The following LCORL variants were observed in gnomAD, a reference collection of about 807,000 sequenced individuals.
LCORL encodes the protein ligand dependent nuclear receptor corepressor like, also known as ligand-dependent nuclear receptor corepressor-like protein.
A neutral mutation model predicts 141.8 loss-of-function variants in LCORL; 41 were observed. The observed-to-expected ratio is 0.29, with a 90% CI of 0.23 to 0.38. The LOEUF is 0.38. Among genes scored for constraint, LCORL ranks in the 10% least tolerant of loss-of-function variants. The probability of loss-of-function intolerance (pLI) is 1.00; values close to 1 mark genes in which losing one functional copy is unlikely to be tolerated. For synonymous variants in LCORL, 618 were observed against 694.1 expected, an observed-to-expected ratio of 0.89 and a Z score of 1.72; for missense variants, 1,759 against 2,035.0, an observed-to-expected ratio of 0.86 and a Z score of 2.61.
exon 7 of LCORL, chr4:17,877,764 G>C: frequency 8.1e-7 from 1 of 1,230,668 alleles, no homozygotes; most frequent in Non-Finnish European, 1.0e-6. Flanking sequence ...GGCTGATTTT[G>C]TAGAGTGAAT....
At chr4:17,849,817 C>T (rs1435492748) in intron 7 of LCORL, among the ~76,000 whole-genome samples, 5 of 151,916 alleles carry the variant, frequency 3.3e-5, no homozygotes, top group African/African-American at 7.3e-5. Flanking sequence ...GAGCCCACAT[C>T]GCCAAGTCAA....
intron 5 of LCORL, among the ~76,000 whole-genome samples, chr4:17,895,041 TA>T (rs200678764): frequency 0.02 from 3,007 of 149,604 alleles, 43 homozygotes; most frequent in Middle Eastern, 0.12. Flanking sequence ...ATAATATATA[TA>T]AAAAAAGTTT....
chr4:17,928,054 T>C (rs572085506), intron 4 of LCORL, among the ~76,000 whole-genome samples: 1 of 152,174 alleles, frequency 6.6e-6, no homozygotes, highest in Non-Finnish European at 1.5e-5. Flanking sequence ...AAAAGAATTA[T>C]ACACCACGAA....
At chr4:17,979,381 A>G (rs1444417624) in intron 1 of LCORL, among the ~76,000 whole-genome samples, 1 of 152,150 alleles carries the variant, frequency 6.6e-6, no homozygotes, top group Non-Finnish European at 1.5e-5. Context: ...TCCAAACTCT[A>G]TTACTTCCTC....
chr4:17,954,537 G>A (rs1712177730), intron 4 of LCORL, among the ~76,000 whole-genome samples: 1 of 152,130 alleles, frequency 6.6e-6, no homozygotes, highest in Non-Finnish European at 1.5e-5. Flanking sequence ...TGATCTGGTT[G>A]AGGCTTTAGA....
intron 1 of LCORL, among the ~76,000 whole-genome samples, chr4:18,007,671 G>A (rs1045542759): frequency 1.3e-5 from 2 of 152,066 alleles, no homozygotes; most frequent in East Asian, 3.9e-4. Flanking sequence ...TTTAGCAGAT[G>A]GCCATGCTTC....
intron 1 of LCORL, among the ~76,000 whole-genome samples, chr4:17,978,100 C>T (rs188465277): frequency 1.3e-5 from 2 of 152,266 alleles, no homozygotes; most frequent in East Asian, 1.9e-4. Flanking sequence ...TTTGCAATTT[C>T]GATCATCAAT....
At chr4:17,909,328 C>T in exon 5 of LCORL, 2 of 1,605,864 alleles carry the variant, frequency 1.2e-6, no homozygotes, top group Non-Finnish European at 1.7e-6. Flanking sequence ...ATGTTAGGAT[C>T]ACAGTTCTGA....
chr4:17,869,044 CTT>C (rs571368298), intron 7 of LCORL, among the ~76,000 whole-genome samples: 9,376 of 133,868 alleles, frequency 0.07, 589 homozygotes, highest in African/African-American at 0.18. Flanking sequence ...TTCCCACTAC[CTT>C]TTTTTTTTTT....
At chr4:17,893,653 T>C in intron 5 of LCORL, 3 of 916,428 alleles carry the variant, frequency 3.3e-6, no homozygotes, top group Non-Finnish European at 3.9e-6. Context: ...TTTGCTACAG[T>C]AGGTAAAGCT....
chr4:18,012,836 G>C (rs1724024135), intron 1 of LCORL, among the ~76,000 whole-genome samples: 1 of 152,116 alleles, frequency 6.6e-6, no homozygotes, highest in Admixed American at 6.6e-5. Context: ...ATACAGAAAA[G>C]TATTCCCCAT....
chr4:17,945,791 T>C (rs1275672907), intron 4 of LCORL, among the ~76,000 whole-genome samples: 1 of 151,912 alleles, frequency 6.6e-6, no homozygotes, highest in South Asian at 2.1e-4. Context: ...TCTGTATTTA[T>C]GCTTTGACAA....
intron 1 of LCORL, among the ~76,000 whole-genome samples, chr4:18,010,299 CCTA>C (rs1256598291): frequency 6.6e-6 from 1 of 151,810 alleles, no homozygotes; most frequent in African/African-American, 2.4e-5. Context: ...AAGAAAAAAC[CCTA>C]CTAATTTTAT....
intron 2 of LCORL, among the ~76,000 whole-genome samples, chr4:17,967,842 A>G (rs1289983034): frequency 6.6e-6 from 1 of 151,814 alleles, no homozygotes; most frequent in Non-Finnish European, 1.5e-5. Flanking sequence ...GCCATTTGCC[A>G]TTACTTTTTT....
intron 1 of LCORL, among the ~76,000 whole-genome samples, chr4:18,019,467 T>G (rs1421961608): frequency 3.3e-5 from 5 of 152,216 alleles, no homozygotes; most frequent in Admixed American, 1.3e-4. Flanking sequence ...TACGATACAA[T>G]GTAATCACAT....
chr4:17,907,250 G>C (rs937490605), intron 5 of LCORL, among the ~76,000 whole-genome samples: 1 of 152,194 alleles, frequency 6.6e-6, no homozygotes, highest in African/African-American at 2.4e-5. Context: ...TTCTTCTGTG[G>C]TGATGAGGAA....
intron 1 of LCORL, among the ~76,000 whole-genome samples, chr4:18,013,636 T>A (rs1260859188): frequency 1.3e-5 from 2 of 152,202 alleles, no homozygotes; most frequent in Non-Finnish European, 2.9e-5. Context: ...TGAGGACTTA[T>A]TAGTTACTGT....
intron 6 of LCORL, chr4:17,881,414 A>T: frequency 1.0e-6 from 1 of 956,014 alleles, no homozygotes; most frequent in Non-Finnish European, 1.2e-6. Flanking sequence ...TCAATAATAG[A>T]AATGTTTTGT....
intron 4 of LCORL, among the ~76,000 whole-genome samples, chr4:17,930,092 A>T (rs1735763917): frequency 6.6e-6 from 1 of 152,246 alleles, no homozygotes; most frequent in Non-Finnish European, 1.5e-5. Flanking sequence ...AATAAAAAAA[A>T]TACAGATAAT....
Sources: allele counts gnomAD v4.1 joint callset (sites outside exome capture counted in the v4.1 genomes callset), GRCh38; gene constraint gnomAD v4.1.1; transcripts MANE v1.5; gene names NCBI Gene and HGNC (gene_info 2026-07-23, HGNC 2026-07-21).